The following MS4A13 variants were observed in gnomAD, a reference collection of about 807,000 sequenced individuals.
MS4A13 encodes the protein membrane-spanning 4-domains subfamily A member 13.
In MS4A13, 21 loss-of-function variants were observed where a neutral mutation model predicts 18.4. That is an observed-to-expected ratio of 1.14 (90% confidence interval 0.81 to 1.64). The LOEUF (loss-of-function observed/expected upper bound fraction) is 1.64. MS4A13 is among the 40% of genes most tolerant of loss of function. MS4A13 has a pLI of 0.00. For synonymous variants in MS4A13, 62 were observed against 57.2 expected (o/e 1.08, Z -0.38); for missense variants, 173 against 176.8 (o/e 0.98, Z 0.12).
At position 60,518,146 on chromosome 11, in the gene MS4A13, T is replaced by G; in HGVS notation, c.63T>G (p.Ile21Met). Residue 21 changes from isoleucine to methionine, a missense_variant, in exon 3 of 7, where the codon ATT becomes ATG. Transcript: ENST00000378186. ...TATTGGTTTTGTATATGGGACAAAT[T>G]AAAGGAGCCTTTGGAACGTATGAAC... The part of the protein sequence containing the change: ...YFLLVLYMGQ[I>M]KGAFGTYEPV... 6.2e-7 allele frequency: 1 copy of G among 1,612,052 alleles called. No homozygotes were observed. Among genetic ancestry groups the G allele is most frequent in the South Asian group, 1.1e-5 (1 of 90,922 alleles).
intron 6 of MS4A13, among the ~76,000 whole-genome samples, 181 bp downstream of exon 6, chr11:60,529,641 C>T (rs947855628): frequency 1.3e-5 from 2 of 152,070 alleles, no homozygotes; most frequent in South Asian, 4.2e-4. Flanking sequence ...AACAGTAATA[C>T]ATGAAACTAC....
intron 6 of MS4A13, among the ~76,000 whole-genome samples, chr11:60,537,999 G>C (rs2086821056): frequency 7.5e-6 from 1 of 132,820 alleles, no homozygotes; most frequent in African/African-American, 2.9e-5. Flanking sequence ...GACACAGGAA[G>C]GGGAATATCA....
rs2086870848 is a variant in MS4A13, at chr11:60,542,676, G to T, written c.*101G>T. ...CAGTTACGAAGCCTACAGATTTTGT[G>T]CAAAATAAAATACAAACAAGGTGAA... On this transcript the variant is annotated 3_prime_UTR_variant, in exon 7 of 7. Coordinates refer to ENST00000378186, the MANE Select transcript of MS4A13 (RefSeq NM_001012417.3). The T allele has an allele frequency of 6.1e-6, 4 of 652,892 alleles. No individual in the cohort carries two copies. The highest frequency in any genetic ancestry group is 5.5e-5 in the African/African-American group (3 of 54,294). The allele number at this position is 652,892 out of a possible 1,614,324, so 40.4% of individuals were successfully genotyped here. A position where few individuals can be genotyped will look rare whatever the true frequency, so the allele number is the denominator to read the frequency against.
intron 5 of MS4A13, among the ~76,000 whole-genome samples, chr11:60,527,669 C>T (rs11230362): frequency 0.084 from 12,724 of 151,888 alleles, 582 homozygotes; most frequent in South Asian, 0.16. Context: ...AACCCTGTCT[C>T]CACTAAAAAT....
chr11:60,529,516 A>T (rs2086748405), intron 6 of MS4A13, 56 bp downstream of exon 6: 1 of 951,460 alleles, frequency 1.1e-6, no homozygotes, highest in African/African-American at 1.7e-5. Flanking sequence ...TAGTAACTAC[A>T]CTCTATGAGA....
chr11:60,522,144 A>C (rs2086678029), intron 3 of MS4A13, among the ~76,000 whole-genome samples: 1 of 152,130 alleles, frequency 6.6e-6, no homozygotes, highest in Non-Finnish European at 1.5e-5. Flanking sequence ...TATGGAAGCT[A>C]CAAGATGAGA....
chr11:60,541,853 C>G (rs1349142026), intron 6 of MS4A13, among the ~76,000 whole-genome samples: 1 of 151,964 alleles, frequency 6.6e-6, no homozygotes, highest in Non-Finnish European at 1.5e-5. Context: ...AATCATAACA[C>G]TTTGGGAGTC....
chr11:60,518,285 A>T (rs969599440), intron 3 of MS4A13, 73 bp downstream of exon 3: 2 of 1,290,532 alleles, frequency 1.5e-6, no homozygotes, highest in Admixed American at 2.4e-5. Context: ...AAGGTAGGGA[A>T]CGGTTTCTGA....
intron 2 of MS4A13, 106 bp from the exon 3 acceptor site, chr11:60,517,966 T>C: frequency 1.1e-6 from 1 of 873,478 alleles, no homozygotes; most frequent in Non-Finnish European, 1.7e-6. Context: ...ATTGCTGTTT[T>C]ACTTTTGTAT....
intron 6 of MS4A13, among the ~76,000 whole-genome samples, chr11:60,529,918 G>A (rs913608090): frequency 6.6e-6 from 1 of 152,058 alleles, no homozygotes; most frequent in African/African-American, 2.4e-5. Context: ...TACTGCATAT[G>A]TAGCTTGGTT....
At chr11:60,530,675 G>A (rs2086758768) in intron 6 of MS4A13, among the ~76,000 whole-genome samples, 1 of 152,316 alleles carries the variant, frequency 6.6e-6, no homozygotes, top group Admixed American at 6.5e-5. Flanking sequence ...GCTTGGGACT[G>A]TTCCCACTCT....
At chr11:60,527,406 C>CTGTGTGTGTGTGTG (rs1408422219) in intron 5 of MS4A13, among the ~76,000 whole-genome samples, 24 of 46,080 alleles carry the variant, frequency 5.2e-4, no homozygotes, top group Admixed American at 2.3e-3. Flanking sequence ...CTCTCTCTCT[C>CTGTGTGTGTGTGTG]TCTCTGTGTG....
intron 3 of MS4A13, among the ~76,000 whole-genome samples, chr11:60,522,785 G>A (rs571293825): frequency 9.9e-5 from 15 of 152,222 alleles, no homozygotes; most frequent in Middle Eastern, 3.4e-3. Context: ...GGTCACAAGT[G>A]TCAAAGCACT....
chr11:60,542,586 A>T lies in MS4A13; in HGVS notation c.*11A>T. The T allele has an allele frequency of 6.3e-7, 1 of 1,594,686 alleles. No individual in the cohort carries two copies. Among genetic ancestry groups the T allele is most frequent in the Non-Finnish European group, 8.6e-7 (1 of 1,165,886 alleles). ...GAGAGCACTCCTTAAAAACCCTAGA[A>T]ATATGAGAATTTTGCTGTTGCTGAT... On this transcript the variant is annotated 3_prime_UTR_variant, in exon 7 of 7. Transcript: ENST00000378186.
chr11:60,527,402 C>CTG (rs1565212713), intron 5 of MS4A13, among the ~76,000 whole-genome samples: 52 of 81,616 alleles, frequency 6.4e-4, no homozygotes, highest in Middle Eastern at 6.6e-3. Context: ...CTCTCTCTCT[C>CTG]TCTCTCTCTG....
downstream of MS4A13, chr11:60,542,776 T>A: frequency 2.3e-6 from 1 of 432,660 alleles, no homozygotes; most frequent in Non-Finnish European, 4.2e-6. Flanking sequence ...TATTTAAATA[T>A]GAGATTATTA....
Position 60,542,518 on chromosome 11 carries a change from G to A in MS4A13, c.403-1G>A. ...TTTGTAAGAGGTTACTTTTTTTCCA[G>A]TTTCGAAGACAAAATGATCTTACAT... On this transcript the variant is annotated splice_acceptor_variant, in intron 6 of 6. Transcript: ENST00000378186. LOFTEE classifies it high-confidence loss of function. 2.5e-6 allele frequency: 4 copies of A among 1,605,958 alleles called. No individual in the cohort carries two copies. The highest frequency in any genetic ancestry group is 3.4e-6 in the Non-Finnish European group (4 of 1,175,280).
intron 5 of MS4A13, among the ~76,000 whole-genome samples, chr11:60,527,392 C>CTGTGTGTGTG (rs2086723454): frequency 7.4e-5 from 9 of 122,232 alleles, no homozygotes; most frequent in African/African-American, 2.7e-4. Flanking sequence ...CTCTCTCTCT[C>CTGTGTGTGTG]TCTCTCTCTC....
At chr11:60,530,714 C>A (rs1034933183) in intron 6 of MS4A13, among the ~76,000 whole-genome samples, 2 of 152,160 alleles carry the variant, frequency 1.3e-5, no homozygotes, top group African/African-American at 4.8e-5. Flanking sequence ...GGCTTTGTGT[C>A]CCCACCCAAA....
Sources: allele counts gnomAD v4.1 joint callset (sites outside exome capture counted in the v4.1 genomes callset), GRCh38; gene constraint gnomAD v4.1.1; transcripts MANE v1.5; gene names NCBI Gene and HGNC (gene_info 2026-07-23, HGNC 2026-07-21).